FREM2: variants seen among roughly 807,000 people sequenced by gnomAD.
The protein encoded by FREM2 is FRAS1-related extracellular matrix protein 2.
A neutral mutation model predicts 219.9 loss-of-function variants in FREM2; 119 were observed. The observed-to-expected ratio is 0.54, with a 90% confidence interval of 0.47 to 0.63. The LOEUF (loss-of-function observed/expected upper bound fraction) is 0.63. Among genes scored for constraint, FREM2 ranks in the 30% least tolerant of loss-of-function variants. The probability of loss-of-function intolerance (pLI) is 0.00; values close to 1 mark genes in which losing one functional copy is unlikely to be tolerated. For synonymous variants in FREM2, 1,562 were observed against 1,522.8 expected, an observed-to-expected ratio of 1.03 and a Z score of -0.60; for missense variants, 4,030 against 3,993.6, an observed-to-expected ratio of 1.01 and a Z score of -0.25.
Position 38,864,321 on chromosome 13 carries a change from C to A in FREM2, c.7698C>A (p.Leu2566=), listed in dbSNP as rs760750270. The change falls in exon 16 of 24, where the codon CTC becomes CTA. Residue 2566 remains leucine (L), a synonymous_variant. Transcript: ENST00000280481. ...CTAGAGAGCTTTCCAACTTTGAGCT[C>A]ACCCTCAGCCCTGATGGCACAAGAG... The part of the protein sequence containing the change: ...ISTRELSNFE[L]TLSPDGTRVG... The A allele has an allele frequency of 6.2e-7, 1 of 1,614,220 alleles. No individual in the cohort carries two copies.
Position 38,848,610 on chromosome 13 carries a change from A to T in FREM2, c.6319A>T (p.Asn2107Tyr). 1 of 1,614,046 alleles carries T rather than the reference A, an allele frequency of 6.2e-7. No homozygotes were observed. Among genetic ancestry groups the T allele is most frequent in the Middle Eastern group, 1.7e-4 (1 of 6,058 alleles). ...KFELVLRMPM[N>Y]AALGEPSKAT... The stretch of plus-strand genomic sequence containing the variant: ...TGAACTGGTGCTTCGCATGCCTATG[A>T]ACGCAGCCCTTGGCGAGCCCAGCAA... Residue 2107 changes from asparagine (N) to tyrosine (Y), a missense_variant, in exon 8 of 24, where the codon AAC becomes TAC. This residue lies in a region of FREM2 where 3,102 missense variants were observed against 2,950.7 expected (regional missense o/e 1.05). Transcript: ENST00000280481.
chr13:38,824,501 T>A (rs1876195681), intron 6 of FREM2, among the ~76,000 whole-genome samples: 1 of 152,100 alleles, frequency 6.6e-6, no homozygotes, highest in African/African-American at 2.4e-5. Context: ...GAGTTATTAC[T>A]CAAATCAGTC....
At position 38,791,613 on chromosome 13, in the gene FREM2, A is replaced by G. The variant is rs549986869; in HGVS notation, c.6019+6805A>G. Reference sequence around the variant, plus strand: ...GAGAGTGAGAGCCAAGCAAAGGGGAAACCCCTTATAAAACCATCAGCTCTG... The same window carrying G: ...GAGAGTGAGAGCCAAGCAAAGGGGAGACCCCTTATAAAACCATCAGCTCTG... On this transcript the variant is annotated intron_variant, in intron 6 of 23. Transcript: ENST00000280481. Among the ~76,000 whole-genome samples the G allele has an allele frequency of 2.0e-5, 3 of 152,224 alleles. No homozygotes were observed. The South Asian group carries it at 6.2e-4, about 32-fold the overall frequency.
chr13:38,757,207 C>T (rs774528680), intron 2 of FREM2, among the ~76,000 whole-genome samples: 35 of 152,098 alleles, frequency 2.3e-4, no homozygotes, highest in Non-Finnish European at 2.6e-4. Context: ...ACATTATATA[C>T]CTGGGATGGG....
chr13:38,873,507 T>C (rs965693607), intron 17 of FREM2, among the ~76,000 whole-genome samples: 2 of 152,200 alleles, frequency 1.3e-5, no homozygotes, highest in Admixed American at 6.5e-5. Context: ...TGGGGTACTT[T>C]AGTTGAATGT....
intron 9 of FREM2, 43 bp downstream of exon 9, chr13:38,850,278 C>T (rs563427964): frequency 4.8e-5 from 71 of 1,482,478 alleles, no homozygotes; most frequent in East Asian, 4.3e-4. Context: ...TTGAAGAAGC[C>T]GAATTTTTAC....
chr13:38,690,545 A>C lies in FREM2; in HGVS notation c.3201A>C (p.Pro1067=), dbSNP rs1207255132. The change falls in exon 1 of 24, where the codon CCA becomes CCC. Residue 1067 remains proline (P), a synonymous_variant. Coordinates refer to ENST00000280481, the MANE Select transcript of FREM2 (RefSeq NM_207361.6). ...TCCTGCCTGTTGATAGCCAGGCCCC[A>C]GAAATCTTTGTAGGTGAACAGTTGA... The part of the protein sequence containing the change: ...VTILPVDSQA[P]EIFVGEQLIV... 9 of 1,614,120 alleles carry C rather than the reference A, an allele frequency of 5.6e-6. No homozygotes were observed. The highest frequency in any genetic ancestry group is 7.6e-6 in the Non-Finnish European group (9 of 1,180,054).
intron 2 of FREM2, among the ~76,000 whole-genome samples, chr13:38,722,478 T>C (rs1421705353): frequency 6.6e-6 from 1 of 150,854 alleles, no homozygotes; most frequent in Non-Finnish European, 1.5e-5. Context: ...ATCTGACCTC[T>C]TTTTTTTTAG....
intron 4 of FREM2, among the ~76,000 whole-genome samples, chr13:38,780,191 T>C (rs920372371): frequency 1.3e-5 from 2 of 152,188 alleles, no homozygotes; most frequent in African/African-American, 2.4e-5. Context: ...AATTTTAATA[T>C]GTTTAAAATG....
chr13:38,870,802 G>A (rs181312018), intron 16 of FREM2, among the ~76,000 whole-genome samples: 15 of 152,226 alleles, frequency 9.9e-5, no homozygotes, highest in Admixed American at 9.8e-4. Context: ...CTTATTCATA[G>A]GAAGTGAGTA....
At chr13:38,723,184 G>A (rs1472352228) in intron 2 of FREM2, among the ~76,000 whole-genome samples, 2 of 151,940 alleles carry the variant, frequency 1.3e-5, no homozygotes, top group African/African-American at 2.4e-5. Flanking sequence ...GCAGTGAGCC[G>A]AGATTGGGCC....
Position 38,689,655 on chromosome 13 carries a change from G to T in FREM2, c.2311G>T (p.Val771Leu), listed in dbSNP as rs1333515406. 6.2e-7 allele frequency: 1 copy of T among 1,614,042 alleles called. No individual in the cohort carries two copies. Among genetic ancestry groups the T allele is most frequent in the South Asian group, 1.1e-5 (1 of 91,068 alleles). The change falls in exon 1 of 24, where the codon GTG (valine) becomes TTG (leucine). Residue 771 changes from valine (V) to leucine (L), a missense_variant. Transcript: ENST00000280481. Reference protein sequence around the residue: ...LVLTDNPSVVVTHFTQAQINH... With the variant: ...LVLTDNPSVVLTHFTQAQINH... ...CTTGACTGACAACCCCTCAGTCGTG[G>T]TGACCCATTTTACCCAAGCCCAGAT...
intron 2 of FREM2, among the ~76,000 whole-genome samples, chr13:38,706,590 T>G (rs1187069840): frequency 6.6e-6 from 1 of 152,194 alleles, no homozygotes; most frequent in African/African-American, 2.4e-5. Context: ...AAACTCAATG[T>G]TGCTTATGGA....
chr13:38,762,670 C>T (rs1023905966), intron 2 of FREM2, among the ~76,000 whole-genome samples: 2 of 152,060 alleles, frequency 1.3e-5, no homozygotes, highest in Non-Finnish European at 2.9e-5. Flanking sequence ...AACTCCCGAC[C>T]TCAGGTGATC....
chr13:38,687,547 C>A lies in FREM2; in HGVS notation c.203C>A (p.Ala68Asp), dbSNP rs1299465912. ...PGLAGAAGVPAEEAIVLANRG... is the reference protein window; with the variant it reads ...PGLAGAAGVPDEEAIVLANRG... ...CTCGCGGGGGCTGCAGGGGTCCCTG[C>A]TGAGGAGGCCATAGTGCTGGCGAAC... The change falls in exon 1 of 24, where the codon GCT (alanine) becomes GAT (aspartate). Residue 68 changes from alanine to aspartate, a missense_variant. Around this residue, in one of 2 missense-constraint regions of FREM2, gnomAD observed 3,102 missense variants for 2,950.7 expected, o/e 1.05. Transcript: ENST00000280481. The A allele has an allele frequency of 1.9e-6, 3 of 1,601,508 alleles. No homozygotes were observed. Among genetic ancestry groups the A allele is most frequent in the East Asian group, 2.2e-5 (1 of 44,620 alleles).
chr13:38,724,933 G>A (rs1336278166), intron 2 of FREM2, among the ~76,000 whole-genome samples: 2 of 152,128 alleles, frequency 1.3e-5, no homozygotes, highest in Non-Finnish European at 2.9e-5. Flanking sequence ...AAACATACTT[G>A]GGTAACAGAT....
intron 6 of FREM2, among the ~76,000 whole-genome samples, chr13:38,812,339 A>G (rs1875520943): frequency 6.6e-6 from 1 of 151,340 alleles, no homozygotes. Context: ...CCATTTTGTT[A>G]TTTGTTTTCT....
intron 2 of FREM2, among the ~76,000 whole-genome samples, chr13:38,734,004 C>T (rs931971296): frequency 1.3e-5 from 2 of 151,832 alleles, no homozygotes; most frequent in Non-Finnish European, 2.9e-5. Flanking sequence ...ATTTAGAAAG[C>T]CCAAATAAAT....
intron 6 of FREM2, among the ~76,000 whole-genome samples, chr13:38,792,843 A>G (rs923702585): frequency 6.6e-6 from 1 of 152,186 alleles, no homozygotes; most frequent in African/African-American, 2.4e-5. Flanking sequence ...GTTTTTAAGG[A>G]TAAGATAAAA....
Sources: gnomAD v4.1 joint callset for allele counts (sites outside exome capture counted in the v4.1 genomes callset) on GRCh38, gnomAD v4.1.1 for gene constraint, gnomAD v4.1.1 regional missense constraint, MANE v1.5 for transcripts, NCBI Gene and HGNC (gene_info 2026-07-23, HGNC 2026-07-21) for gene names.